Variants in VAV1 observed in about 807,000 individuals in gnomAD.
The protein encoded by VAV1 is proto-oncogene vav.
A neutral mutation model predicts 128.1 loss-of-function variants in VAV1; 33 were observed. That is an observed-to-expected ratio of 0.26 (90% CI 0.20 to 0.34). VAV1 has a LOEUF of 0.34. VAV1 is among the 10% of genes least tolerant of loss of function. The pLI is 1.00. For missense variants in VAV1, 715 were observed against 1,093.7 expected (o/e 0.65, Z 4.88); for synonymous variants, 394 against 409.8 (o/e 0.96, Z 0.47).
chr19:6,820,724 G>A lies in VAV1; in HGVS notation c.227G>A (p.Arg76Lys). Residue 76 changes from arginine to lysine, a missense_variant, in exon 2 of 27, where the codon AGA (arginine) becomes AAA (lysine). Arg to Lys is a conservative substitution (Grantham distance 26). This residue lies in a region of VAV1 where 302 missense variants were observed against 477.8 expected (regional missense o/e 0.63). Transcript: ENST00000602142. The surrounding 1 kb of genome is among the most constrained non-coding windows in gnomAD (Gnocchi z 4.4). ...MSQFLCLKNI[R>K]TFLSTCCEKF... is the part of the protein sequence containing the mutation. ...CAGTTCCTGTGCCTTAAGAACATTA[G>A]AACCTTCCTGTCCACCTGCTGTGAG... is the stretch of plus-strand genomic sequence containing the variant. 1 of 1,614,132 alleles carries A rather than the reference G, an allele frequency of 6.2e-7. No homozygotes were observed. The highest frequency in any genetic ancestry group is 1.1e-5 in the South Asian group (1 of 91,080).
chr19:6,779,937 C>T (rs946783451), intron 1 of VAV1, among the ~76,000 whole-genome samples: 1 of 149,096 alleles, frequency 6.7e-6, no homozygotes, highest in Non-Finnish European at 1.5e-5. Context: ...CGGTGAAACC[C>T]CGTCTCTACT....
intron 1 of VAV1, among the ~76,000 whole-genome samples, chr19:6,787,467 G>A (rs920878389): frequency 3.9e-5 from 6 of 152,158 alleles, no homozygotes; most frequent in South Asian, 2.1e-4. Flanking sequence ...GTGAGTCACC[G>A]CACCCAGCCC....
At chr19:6,773,826 G>T (rs895286023) in intron 1 of VAV1, among the ~76,000 whole-genome samples, 8 of 152,098 alleles carry the variant, frequency 5.3e-5, no homozygotes, top group Middle Eastern at 3.2e-3. Context: ...TGTTGCTGTA[G>T]CATCATGTCT....
At chr19:6,821,396 G>A (rs926860665) in intron 2 of VAV1, among the ~76,000 whole-genome samples, 5 of 151,910 alleles carry the variant, frequency 3.3e-5, no homozygotes, top group Admixed American at 1.3e-4. Flanking sequence ...GTGAGACTCC[G>A]TTAAAAAAAA....
rs1971664213 is a variant in VAV1, at chr19:6,816,714, C to T, written c.205-3988C>T. ...GTGTGGTGGCTCATGCCTGTAATCC[C>T]AGCACTTTGGGAGGCCGAGGCAGGT... is the stretch of plus-strand genomic sequence containing the variant. On this transcript the variant is annotated intron_variant, in intron 1 of 26. Transcript: ENST00000602142. 3.9e-5 allele frequency among the ~76,000 whole-genome samples: 6 copies of T among 152,038 alleles called. 1 individual carries two copies. The South Asian group carries it at 8.3e-4, about 21-fold the overall frequency.
At chr19:6,846,924 T>C (rs1972537250) in intron 22 of VAV1, among the ~76,000 whole-genome samples, 1 of 149,356 alleles carries the variant, frequency 6.7e-6, no homozygotes, top group African/African-American at 2.4e-5. Flanking sequence ...TTTGTTTTTT[T>C]TTTTTTGGAG....
intron 1 of VAV1, among the ~76,000 whole-genome samples, chr19:6,792,313 G>A (rs1203307258): frequency 6.6e-6 from 1 of 152,068 alleles, no homozygotes; most frequent in Non-Finnish European, 1.5e-5. Flanking sequence ...CATTGAGGAG[G>A]AAGGGTGGAG....
chr19:6,775,622 C>T (rs895727346), intron 1 of VAV1, among the ~76,000 whole-genome samples: 6 of 152,172 alleles, frequency 3.9e-5, no homozygotes, highest in South Asian at 2.1e-4. Flanking sequence ...TTTCCCTCTT[C>T]GAGGGGGCAC....
intron 2 of VAV1, among the ~76,000 whole-genome samples, chr19:6,821,151 C>T (rs1161366556): frequency 1.3e-5 from 2 of 152,172 alleles, no homozygotes; most frequent in Non-Finnish European, 2.9e-5. Flanking sequence ...CCTGTAATCC[C>T]AGCACTTTGG....
At chr19:6,816,307 A>G (rs1315543821) in intron 1 of VAV1, 1 of 152,166 alleles carries the variant, frequency 6.6e-6, no homozygotes, top group Non-Finnish European at 1.5e-5. Flanking sequence ...GGTGTGAGCC[A>G]CCATGCCCGG....
chr19:6,804,458 C>A (rs1358045983), intron 1 of VAV1, among the ~76,000 whole-genome samples: 1 of 151,292 alleles, frequency 6.6e-6, no homozygotes. Flanking sequence ...GCTCTGTCGC[C>A]CAGGCTGGAG....
chr19:6,831,151 C>G (rs1972043893), intron 14 of VAV1, among the ~76,000 whole-genome samples: 1 of 152,070 alleles, frequency 6.6e-6, no homozygotes, highest in Non-Finnish European at 1.5e-5. Flanking sequence ...GGGGAGCTAT[C>G]TTACCTCCAT....
chr19:6,783,316 G>T lies in VAV1; in HGVS notation c.204+10305G>T, dbSNP rs1040997347. 1.4e-3 allele frequency among the ~76,000 whole-genome samples: 207 copies of T among 152,266 alleles called. 1 individual carries two copies. Among genetic ancestry groups the T allele is most frequent in the African/African-American group, 4.8e-3 (198 of 41,564 alleles). ...GGGTCAATGTCAGGGGTTGGGGGAG[G>T]AGGGCTCTATGTTATAGAGTCTCTC... On this transcript the variant is annotated intron_variant, in intron 1 of 26. Coordinates refer to ENST00000602142, the MANE Select transcript of VAV1 (RefSeq NM_005428.4).
chr19:6,832,476 T>TTCC (rs1178010086), intron 15 of VAV1, among the ~76,000 whole-genome samples: 4 of 150,892 alleles, frequency 2.7e-5, no homozygotes, highest in Non-Finnish European at 5.9e-5. Flanking sequence ...TCTGGTTTCC[T>TTCC]TCCTCCTCCT....
intron 21 of VAV1, among the ~76,000 whole-genome samples, chr19:6,837,297 A>G (rs375074399): frequency 9.2e-5 from 14 of 152,284 alleles, no homozygotes; most frequent in African/African-American, 3.4e-4. Flanking sequence ...CTACATGGGT[A>G]TGGTAGGGAG....
chr19:6,826,109 G>C lies in VAV1; in HGVS notation c.828-503G>C, dbSNP rs1283616229. Among the ~76,000 whole-genome samples, 1 of 152,030 alleles carries C rather than the reference G, an allele frequency of 6.6e-6. No individual in the cohort carries two copies. The highest frequency in any genetic ancestry group is 1.9e-4 in the East Asian group (1 of 5,182). ...TTCCAGCACTTTGGGAGGCCGAGGA[G>C]GGCAGATCACTTGAGGTCAGGAGTT... On this transcript the variant is annotated intron_variant, in intron 8 of 26. Coordinates refer to ENST00000602142, the MANE Select transcript of VAV1 (RefSeq NM_005428.4). The surrounding 1 kb of genome is among the most constrained non-coding windows in gnomAD (Gnocchi z 4.1).
intron 21 of VAV1, among the ~76,000 whole-genome samples, chr19:6,841,055 G>A (rs10414323): frequency 0.071 from 10,754 of 152,006 alleles, 1,207 homozygotes; most frequent in African/African-American, 0.24. Flanking sequence ...TGGGAGTACA[G>A]GTGTGAGCCA....
At chr19:6,784,175 G>A (rs1970833056) in intron 1 of VAV1, 1 of 594,466 alleles carries the variant, frequency 1.7e-6, no homozygotes, top group Non-Finnish European at 3.1e-6. Flanking sequence ...GATCGCTTGA[G>A]CCCAGGAGTT....
intron 1 of VAV1, among the ~76,000 whole-genome samples, chr19:6,791,738 G>A (rs1372132692): frequency 1.3e-5 from 2 of 152,142 alleles, no homozygotes; most frequent in African/African-American, 2.4e-5. Flanking sequence ...AAATGTCACA[G>A]ATGAAACAAA....
Sources: gnomAD v4.1 joint callset for allele counts (sites outside exome capture counted in the v4.1 genomes callset) on GRCh38, gnomAD v4.1.1 for gene constraint, gnomAD v4.1.1 regional missense constraint, Gnocchi (gnomAD v3.1) non-coding constraint, MANE v1.5 for transcripts, NCBI Gene and HGNC (gene_info 2026-07-23, HGNC 2026-07-21) for gene names.